PAK6: variants seen among roughly 807,000 people sequenced by gnomAD.
PAK6 encodes p21 (RAC1) activated kinase 6.
Under a neutral mutation model 60.8 loss-of-function variants are expected in PAK6, and 33 were observed. The observed-to-expected ratio is 0.54, with a 90% CI of 0.41 to 0.73. PAK6 has a LOEUF of 0.73. Ranked by LOEUF, PAK6 falls within the 30% of genes least tolerant of loss-of-function variation. The pLI is 0.00. For missense variants in PAK6, 845 were observed against 904.1 expected (o/e 0.93, Z 0.84); for synonymous variants, 404 against 378.5 (o/e 1.07, Z -0.78).
intron 2 of PAK6, chr15:40,251,701 A>T (rs74817232): frequency 2.7e-4 from 41 of 152,704 alleles, no homozygotes; most frequent in African/African-American, 9.9e-4. Flanking sequence ...GCCAGAACAC[A>T]GCCTTTCTCT....
rs1179817293 is a variant in PAK6, at chr15:40,264,766, A to G, written c.-5-15A>G. ...CTTTCCCGGGAGGGAGCTCAACCTTACTCTGCACTTACAGGCACCATGTTC... is the reference window on the plus strand; with the variant it reads ...CTTTCCCGGGAGGGAGCTCAACCTTGCTCTGCACTTACAGGCACCATGTTC... On this transcript the variant is annotated splice_polypyrimidine_tract_variant and intron_variant, in intron 3 of 10. Transcript: ENST00000560346. The G allele has an allele frequency of 1.2e-6, 2 of 1,612,296 alleles. No homozygotes were observed. Among genetic ancestry groups the G allele is most frequent in the African/African-American group, 2.7e-5 (2 of 74,780 alleles).
chr15:40,273,456 T>C, exon 8 of PAK6: 1 of 1,613,812 alleles, frequency 6.2e-7, no homozygotes, highest in Non-Finnish European at 8.5e-7. Context: ...TCCATCCTGC[T>C]GACCCTCGAT....
chr15:40,273,916 T>G, intron 9 of PAK6: 1 of 665,610 alleles, frequency 1.5e-6, no homozygotes, highest in Non-Finnish European at 2.5e-6. Context: ...GGGCCTCCTA[T>G]GTATGATGGC....
At chr15:40,273,772 C>A in intron 9 of PAK6, 96 bp downstream of exon 9, 1 of 1,454,004 alleles carries the variant, frequency 6.9e-7, no homozygotes. Context: ...CCAAAAGCAG[C>A]CCTGGTTTTC....
chr15:40,265,762 T>C, intron 4 of PAK6, 80 bp from the exon 5 acceptor site: 1 of 1,327,752 alleles, frequency 7.5e-7, no homozygotes, highest in South Asian at 1.6e-5. Flanking sequence ...CCAGGGACAT[T>C]CTCTGACCCT....
chr15:40,273,528 A>G (rs1482838142), intron 8 of PAK6, 23 bp from the exon 9 acceptor site: 1 of 1,613,376 alleles, frequency 6.2e-7, no homozygotes, highest in South Asian at 1.1e-5. Flanking sequence ...CTGATCCACC[A>G]CTCACTCCCT....
intron 3 of PAK6, chr15:40,260,305 ATTTTTTTTCCATGCAGAT>A (rs908414115): frequency 4.3e-4 from 65 of 152,050 alleles, no homozygotes; most frequent in African/African-American, 1.3e-3. Context: ...TTCCGGGTTT[ATTTTTTTTCCATGCAGAT>A]ATCAAATTAC....
intron 2 of PAK6, chr15:40,252,250 T>C: frequency 8.4e-7 from 1 of 1,195,176 alleles, no homozygotes; most frequent in Non-Finnish European, 1.1e-6. Context: ...GCATCTGCGA[T>C]GCCAGTGAAC....
chr15:40,276,136 G>GCA, exon 11 of PAK6: 2 of 1,581,264 alleles, frequency 1.3e-6, no homozygotes, highest in Non-Finnish European at 1.7e-6. Context: ...CACAGGCAGG[G>GCA]CACACTGGGC....
chr15:40,255,230 G>A (rs564356190), intron 3 of PAK6, among the ~76,000 whole-genome samples: 14 of 152,120 alleles, frequency 9.2e-5, no homozygotes, highest in African/African-American at 2.7e-4. Context: ...GCTCACGCCT[G>A]TTGACACAAG....
intron 2 of PAK6, chr15:40,252,458 G>A (rs766770622): frequency 7.3e-7 from 1 of 1,361,384 alleles, no homozygotes; most frequent in South Asian, 1.1e-5. Flanking sequence ...GGGCAGAGGG[G>A]CTCCTGGCCA....
At chr15:40,273,434 A>T (rs1185161057) in exon 8 of PAK6, 1 of 1,613,928 alleles carries the variant, frequency 6.2e-7, no homozygotes, top group African/African-American at 1.3e-5. Context: ...CCACCGGGAC[A>T]TCAAGAGTGA....
chr15:40,252,361 G>A (rs1595572705), intron 2 of PAK6: 1 of 1,306,522 alleles, frequency 7.7e-7, no homozygotes, highest in Non-Finnish European at 1.0e-6. Context: ...CCGCGGCTGT[G>A]GCCAGGCCAG....
intron 2 of PAK6, among the ~76,000 whole-genome samples, chr15:40,242,616 G>A (rs537515320): frequency 2.6e-5 from 4 of 152,326 alleles, no homozygotes; most frequent in South Asian, 2.1e-4. Context: ...AGCTTCTGAG[G>A]GCAGAATGAG....
At chr15:40,263,932 A>G (rs762203424) in intron 3 of PAK6, 3 of 456,034 alleles carry the variant, frequency 6.6e-6, no homozygotes, top group Non-Finnish European at 1.3e-5. Flanking sequence ...GATGTTTTAC[A>G]TAGAGCTCCA....
exon 4 of PAK6, chr15:40,264,942 G>T (rs371738802): frequency 2.5e-6 from 4 of 1,613,694 alleles, no homozygotes; most frequent in Non-Finnish European, 3.4e-6. Context: ...CCCCAAGCCC[G>T]TGGTGGACCC....
chr15:40,263,642 T>G (rs1452816739), intron 3 of PAK6, among the ~76,000 whole-genome samples: 1 of 152,030 alleles, frequency 6.6e-6, no homozygotes, highest in Non-Finnish European at 1.5e-5. Flanking sequence ...TGAGACAGAG[T>G]CTCATTCTGT....
intron 5 of PAK6, among the ~76,000 whole-genome samples, chr15:40,267,516 G>A (rs564733620): frequency 2.6e-5 from 4 of 152,176 alleles, no homozygotes; most frequent in Non-Finnish European, 5.9e-5. Flanking sequence ...AAAATTAGCC[G>A]GGCGCGGTGG....
chr15:40,247,609 G>C (rs979764582), intron 2 of PAK6, among the ~76,000 whole-genome samples: 1 of 152,174 alleles, frequency 6.6e-6, no homozygotes, highest in Non-Finnish European at 1.5e-5. Flanking sequence ...TACAGATGCA[G>C]AACCTGAGGG....
Sources: allele counts gnomAD v4.1 joint callset (sites outside exome capture counted in the v4.1 genomes callset), GRCh38; gene constraint gnomAD v4.1.1; transcripts MANE v1.5; gene names NCBI Gene and HGNC (gene_info 2026-07-23, HGNC 2026-07-21).